The following TONSL variants were observed in gnomAD, a reference collection of about 807,000 sequenced individuals.
The protein encoded by TONSL is tonsoku like, DNA repair protein.
In TONSL, 112 loss-of-function variants were observed where a neutral mutation model predicts 147.1. That is an observed-to-expected ratio of 0.76 (90% confidence interval 0.65 to 0.89). TONSL has a LOEUF of 0.89. TONSL is among the 40% of genes least tolerant of loss of function. TONSL has a pLI of 0.00. For missense variants in TONSL, 1,883 were observed against 1,864.6 expected, an observed-to-expected ratio of 1.01 and a Z score of -0.18; for synonymous variants, 868 against 801.5, an observed-to-expected ratio of 1.08 and a Z score of -1.40.
chr8:144,440,318 G>T, intron 10 of TONSL, 33 bp downstream of exon 10: 2 of 1,565,370 alleles, frequency 1.3e-6, no homozygotes, highest in South Asian at 1.2e-5. Flanking sequence ...GGGCTCACCG[G>T]GGAGCCAGTA....
In TONSL at chr8:144,434,169, G is replaced by A. The variant is rs782685795; in HGVS notation, c.3196C>T (p.Leu1066Phe). The change falls in exon 21 of 26, where the codon CTC becomes TTC. Residue 1066 changes from leucine (L) to phenylalanine (F), a missense_variant. By Grantham distance (22) the Leu-to-Phe change is conservative (BLOSUM62 0). Transcript: ENST00000409379. Reference protein sequence around the residue: ...QAQLTPLLRALKLHTALRELR... With the variant: ...QAQLTPLLRAFKLHTALRELR... Reference sequence around the variant, plus strand: ...TCCCGGAGTGCTGTGTGCAGCTTGAGGGCCCGCAGCAGGGGTGTAAGCTGG... The same window carrying A: ...TCCCGGAGTGCTGTGTGCAGCTTGAAGGCCCGCAGCAGGGGTGTAAGCTGG... 1 of 1,608,492 alleles carries A rather than the reference G, an allele frequency of 6.2e-7. No individual in the cohort carries two copies. Among genetic ancestry groups the A allele is most frequent in the Non-Finnish European group, 8.5e-7 (1 of 1,177,204 alleles).
At chr8:144,429,929 TG>T (rs1823111330) in intron 25 of TONSL, among the ~76,000 whole-genome samples, 1 of 152,178 alleles carries the variant, frequency 6.6e-6, no homozygotes, top group Non-Finnish European at 1.5e-5. Flanking sequence ...AAGCCCTTCC[TG>T]GGGTTGTCTT....
Position 144,437,123 on chromosome 8 carries a change from C to A in TONSL, c.1654-24G>T, listed in dbSNP as rs1380926592. ...CCCTGTGACCAAGGACAGGAAGGAG[C>A]CTGGCCCTGTGTACCTCACAGCCTG... On this transcript the variant is annotated intron_variant, in intron 13 of 25. Coordinates refer to ENST00000409379, the MANE Select transcript of TONSL (RefSeq NM_013432.5). The A allele has an allele frequency of 2.5e-6, 4 of 1,608,872 alleles. No homozygotes were observed. The African/African-American group carries it at 5.3e-5, about 21-fold the overall frequency.
At chr8:144,442,008 C>T (rs372357562) in intron 7 of TONSL, 29 bp downstream of exon 7, 6 of 1,599,568 alleles carry the variant, frequency 3.8e-6, no homozygotes, top group East Asian at 2.2e-5. Context: ...ACACACCTCC[C>T]AGGGCCCCAT....
intron 9 of TONSL, 120 bp from the exon 10 acceptor site, chr8:144,440,596 G>T: frequency 2.6e-6 from 4 of 1,522,834 alleles, no homozygotes; most frequent in Non-Finnish European, 3.5e-6. Context: ...GCCGAGGGTG[G>T]ATGGTCCTAG....
chr8:144,435,181 A>T lies in TONSL; in HGVS notation c.2853-11T>A. 1 of 1,513,562 alleles carries T rather than the reference A, an allele frequency of 6.6e-7. No homozygotes were observed. 93.8% of individuals were successfully genotyped at this position (1,513,562 alleles called of 1,614,324 possible). On this transcript the variant is annotated splice_polypyrimidine_tract_variant and intron_variant, in intron 18 of 25. Transcript: ENST00000409379. ...GAGTGGGTGTCACTGCTGCAGGGAC[A>T]GAGGCGCTGCTGCTGCTGCCTGCAC...
intron 13 of TONSL, 142 bp from the exon 14 acceptor site, chr8:144,437,241 C>T (rs538010622): frequency 9.8e-5 from 75 of 767,826 alleles, no homozygotes; most frequent in Admixed American, 6.7e-4. Flanking sequence ...TCTCCTCCTC[C>T]GGCCTAGGTG....
intron 23 of TONSL, among the ~76,000 whole-genome samples, chr8:144,431,740 C>G (rs1823202799): frequency 6.6e-6 from 1 of 152,078 alleles, no homozygotes; most frequent in Admixed American, 6.5e-5. Flanking sequence ...GTCTTGATCT[C>G]CTGACCTCGT....
chr8:144,436,258 T>A lies in TONSL; in HGVS notation c.2175A>T (p.Pro725=). The A allele has an allele frequency of 1.3e-6, 2 of 1,530,244 alleles. No individual in the cohort carries two copies. The highest frequency in any genetic ancestry group is 1.2e-5 in the South Asian group (1 of 80,468). 94.8% of individuals were successfully genotyped at this position (1,530,244 alleles called of 1,614,324 possible). Residue 725 remains proline, a synonymous_variant, in exon 17 of 26, where the codon CCA becomes CCT. Coordinates refer to ENST00000409379, the MANE Select transcript of TONSL (RefSeq NM_013432.5). ...HVRVSPGQAA[P]AMARPRRSRH... is the part of the protein sequence containing the mutation. ...TGCTCCTCCGAGGCCTGGCCATGGC[T>A]GGTGCCGCCTGCCCTGGGGAGACCC...
intron 7 of TONSL, 180 bp from the exon 8 acceptor site, chr8:144,441,291 T>A (rs2129686938): frequency 2.3e-6 from 2 of 882,760 alleles, no homozygotes; most frequent in Non-Finnish European, 3.3e-6. Flanking sequence ...TCACAAGAAC[T>A]AACACACTTA....
chr8:144,443,360 G>A (rs961707844), intron 3 of TONSL, 39 bp from the exon 4 acceptor site: 24 of 1,523,782 alleles, frequency 1.6e-5, no homozygotes, highest in African/African-American at 1.1e-4. Context: ...AGCCGACTCC[G>A]CCTCAAGCAA....
In TONSL at chr8:144,442,249, T is replaced by C. The variant is rs1274639639; in HGVS notation, c.742A>G (p.Ile248Val). 40 of 1,588,830 alleles carry C rather than the reference T, an allele frequency of 2.5e-5. No individual in the cohort carries two copies. The East Asian group carries it at 5.8e-4, about 23-fold the overall frequency. Reference protein sequence around the residue: ...RFMESECCVVIAQVLQDLGDF... With the variant: ...RFMESECCVVVAQVLQDLGDF... ...CCACGCACAGCGGGTACCTGTGCAA[T>C]AACCACGCAGCACTCGCTCTCCATG... is the stretch of plus-strand genomic sequence containing the variant. Residue 248 changes from isoleucine (I) to valine (V), a missense_variant, in exon 6 of 26, where the codon ATT (isoleucine) becomes GTT (valine). By Grantham distance (29) the Ile-to-Val change is conservative. Transcript: ENST00000409379.
chr8:144,438,559 C>T lies in TONSL; in HGVS notation c.1565G>A (p.Trp522Ter). 6.2e-7 allele frequency: 1 copy of T among 1,613,122 alleles called. No homozygotes were observed. Among genetic ancestry groups the T allele is most frequent in the Non-Finnish European group, 8.5e-7 (1 of 1,179,894 alleles). ...CTCCCCCATGTCGTTTCGCCGGTTC[C>T]ACTGTGGGCACAGCCAACCCAGCAC... ...GHLGRRKGSK[W>*]NRRNDMGETL... is the part of the protein sequence containing the mutation. The change falls in exon 13 of 26, where the codon TGG becomes TAG. Residue 522 changes from tryptophan (W) to a stop codon, truncating the protein, a stop_gained and splice_region_variant. Transcript: ENST00000409379. LOFTEE classifies it high-confidence loss of function.
chr8:144,441,024 C>T lies in TONSL; in HGVS notation c.953G>A (p.Gly318Glu). ...GTCTCCTGCCTTGGAGAAGAGGTCC[C>T]CTAGCTGCTCACAGATGACCATGGC... ...QGAMVICEQL[G>E]DLFSKAGDFP... The change falls in exon 8 of 26, where the codon GGG becomes GAG. Residue 318 changes from glycine (G) to glutamate (E), a missense_variant. Coordinates refer to ENST00000409379, the MANE Select transcript of TONSL (RefSeq NM_013432.5). The T allele has an allele frequency of 6.2e-7, 1 of 1,613,134 alleles. No individual in the cohort carries two copies. The highest frequency in any genetic ancestry group is 8.5e-7 in the Non-Finnish European group (1 of 1,180,002).
chr8:144,443,316 C>A lies in TONSL; in HGVS notation c.270G>T (p.Gln90His). 1.3e-6 allele frequency: 2 copies of A among 1,549,162 alleles called. No homozygotes were observed. Among genetic ancestry groups the A allele is most frequent in the Non-Finnish European group, 8.7e-7 (1 of 1,145,950 alleles). Reference protein sequence around the residue: ...MEDYPAALQHQHQYLELAHSL... With the variant: ...MEDYPAALQHHHQYLELAHSL... Reference sequence around the variant, plus strand: ...AATGTGCCAGCTCCAGGTACTGGTGCTGGTGCTGAGTGTGGAAGGAAGTCA... The same window carrying A: ...AATGTGCCAGCTCCAGGTACTGGTGATGGTGCTGAGTGTGGAAGGAAGTCA... The change falls in exon 4 of 26, where the codon CAG (glutamine) becomes CAT (histidine). Residue 90 changes from glutamine to histidine, a missense_variant. By Grantham distance (24) the Gln-to-His change is conservative (BLOSUM62 0). Transcript: ENST00000409379.
At chr8:144,430,962 T>G (rs1586679745) in intron 24 of TONSL, 116 bp downstream of exon 24, 1 of 1,218,900 alleles carries the variant, frequency 8.2e-7, no homozygotes. Flanking sequence ...AGGAGCCAGG[T>G]CTTGGGATGT....
At position 144,442,343 on chromosome 8, in the gene TONSL, G is replaced by A. The variant is rs142348672; in HGVS notation, c.648C>T (p.Gly216=). ...YNLGTIHWRA[G]QHSQAMRCLE... ...AGCAGCGCATAGCCTGGGAGTGCTG[G>A]CCCGCGCGCCAGTGGATGGTGCCCA... Residue 216 remains glycine (G), a synonymous_variant, in exon 6 of 26, where the codon GGC becomes GGT. Coordinates refer to ENST00000409379, the MANE Select transcript of TONSL (RefSeq NM_013432.5). 701 of 1,592,034 alleles carry A rather than the reference G, an allele frequency of 4.4e-4. 5 individuals are homozygous for A. The African/African-American group carries it at 8.5e-3, about 19-fold the overall frequency.
In TONSL at chr8:144,435,478, G is replaced by A; in HGVS notation, c.2848C>T (p.His950Tyr). ...QDHLFLIPVP[H>Y]SSDTHSVAWL... ...GTAGGGCAGGCGATGCCTCACCTGT[G>A]TGGGACAGGGATGAGGAAGAGATGA... The change falls in exon 18 of 26, where the codon CAC becomes TAC. Residue 950 changes from histidine to tyrosine, a missense_variant. Coordinates refer to ENST00000409379, the MANE Select transcript of TONSL (RefSeq NM_013432.5). 10 of 1,547,144 alleles carry A rather than the reference G, an allele frequency of 6.5e-6. No homozygotes were observed. The highest frequency in any genetic ancestry group is 8.7e-6 in the Non-Finnish European group (10 of 1,144,600).
At position 144,428,903 on chromosome 8, in the gene TONSL, C is replaced by T. The variant is rs1823034420; in HGVS notation, c.*240G>A. ...CTCCCGGGTTCACGCCATTCTCCTG[C>T]CTCAGCCTCCGGAGTAGCTGGGACT... is the stretch of plus-strand genomic sequence containing the variant. On this transcript the variant is annotated 3_prime_UTR_variant, in exon 26 of 26. Coordinates refer to ENST00000409379, the MANE Select transcript of TONSL (RefSeq NM_013432.5). 1.3e-5 allele frequency: 5 copies of T among 391,534 alleles called. No individual in the cohort carries two copies. In the South Asian group the frequency reaches 2.6e-4, roughly 20 times the overall value. 24.3% of individuals were successfully genotyped at this position (391,534 alleles called of 1,614,324 possible).
Sources: allele counts gnomAD v4.1 joint callset (sites outside exome capture counted in the v4.1 genomes callset), GRCh38; gene constraint gnomAD v4.1.1; transcripts MANE v1.5; gene names NCBI Gene and HGNC (gene_info 2026-07-23, HGNC 2026-07-21).